RICTOR: variants seen among roughly 807,000 people sequenced by gnomAD.
The protein encoded by RICTOR is RPTOR independent companion of MTOR complex 2.
Under a neutral mutation model 214.9 loss-of-function variants are expected in RICTOR, and 49 were observed. The observed-to-expected ratio is 0.23, with a 90% CI of 0.18 to 0.29. RICTOR has a LOEUF of 0.29. RICTOR is among the 10% of genes least tolerant of loss of function. The pLI is 1.00. For missense variants in RICTOR, 1,625 were observed against 2,047.0 expected, an observed-to-expected ratio of 0.79 and a Z score of 3.98; for synonymous variants, 717 against 711.3, an observed-to-expected ratio of 1.01 and a Z score of -0.13.
At chr5:39,073,112 A>G (rs920204967) in intron 2 of RICTOR, among the ~76,000 whole-genome samples, 1 of 152,244 alleles carries the variant, frequency 6.6e-6, no homozygotes, top group Non-Finnish European at 1.5e-5. Flanking sequence ...CTGATCTCAT[A>G]CAGAATGTCT....
Position 38,942,923 on chromosome 5 carries a change from A to G in RICTOR, c.4962T>C (p.Ser1654=). The change falls in exon 37 of 38, where the codon TCT becomes TCC. Residue 1654 remains serine (S), a synonymous_variant. Coordinates refer to ENST00000357387, the MANE Select transcript of RICTOR (RefSeq NM_152756.5). ...AGTGTGACAGCAAATGGGAAACCTC[A>G]GAGTAAAGGCATATGTCATCAAATG... ...PQTFDDICLY[S]EVSHLLSHCT... The G allele has an allele frequency of 6.2e-7, 1 of 1,606,436 alleles. No homozygotes were observed. The highest frequency in any genetic ancestry group is 8.5e-7 in the Non-Finnish European group (1 of 1,172,974).
intron 2 of RICTOR, among the ~76,000 whole-genome samples, chr5:39,029,963 T>C (rs1215875145): frequency 1.3e-5 from 2 of 152,184 alleles, no homozygotes; most frequent in Non-Finnish European, 2.9e-5. Context: ...TAACTTTTAT[T>C]ATATGAGGGT....
In RICTOR at chr5:38,959,765, C is replaced by G. The variant is rs1749620782; in HGVS notation, c.2051+14G>C. 1.9e-6 allele frequency: 3 copies of G among 1,581,592 alleles called. No individual in the cohort carries two copies. Among genetic ancestry groups the G allele is most frequent in the Non-Finnish European group, 2.6e-6 (3 of 1,150,854 alleles). ...GTTCATGTATATATTGCAACAAAAT[C>G]TGGGAATGCTCACCACTGAAATACA... is the stretch of plus-strand genomic sequence containing the variant. On this transcript the variant is annotated intron_variant, in intron 21 of 37. Transcript: ENST00000357387.
chr5:39,074,038 T>A, intron 2 of RICTOR, 73 bp downstream of exon 2: 1 of 1,139,722 alleles, frequency 8.8e-7, no homozygotes, highest in Non-Finnish European at 1.2e-6. Context: ...CGCCCCTGCC[T>A]CTGGCCCCCA....
intron 16 of RICTOR, among the ~76,000 whole-genome samples, chr5:38,963,281 G>A (rs1018910495): frequency 2.0e-5 from 3 of 151,888 alleles, no homozygotes; most frequent in African/African-American, 7.3e-5. Context: ...TTCTATGGTG[G>A]TAGGTATTTT....
intron 8 of RICTOR, 101 bp from the exon 9 acceptor site, chr5:38,978,751 GT>G (rs2150055797): frequency 1.8e-6 from 1 of 545,790 alleles, no homozygotes; most frequent in Admixed American, 3.4e-5. Context: ...TCTTTAATGG[GT>G]TTACTGCTTG....
intron 2 of RICTOR, among the ~76,000 whole-genome samples, chr5:39,046,532 C>G (rs1757516970): frequency 1.3e-5 from 2 of 149,976 alleles, no homozygotes; most frequent in Non-Finnish European, 2.9e-5. Flanking sequence ...TTAAGGCCAT[C>G]ATTCAAATTA....
intron 2 of RICTOR, among the ~76,000 whole-genome samples, chr5:39,072,060 C>T (rs938065942): frequency 1.3e-5 from 2 of 152,154 alleles, no homozygotes; most frequent in Non-Finnish European, 2.9e-5. Flanking sequence ...TATAAAATGA[C>T]TGATTCAGAT....
At chr5:38,976,297 T>A (rs553371825) in intron 9 of RICTOR, among the ~76,000 whole-genome samples, 139 of 94,222 alleles carry the variant, frequency 1.5e-3, no homozygotes, top group South Asian at 2.4e-3. Context: ...TGTCCCTTTT[T>A]TCCTGTGCCA....
Position 38,952,600 on chromosome 5 carries a change from T to C in RICTOR, c.2898-175A>G, listed in dbSNP as rs568922618. 7.0e-4 allele frequency among the ~76,000 whole-genome samples: 106 copies of C among 150,862 alleles called. 1 individual carries two copies. The South Asian group carries it at 9.6e-3, about 14-fold the overall frequency. On this transcript the variant is annotated intron_variant, in intron 29 of 37. Coordinates refer to ENST00000357387, the MANE Select transcript of RICTOR (RefSeq NM_152756.5). ...CTAGTCAGGAATAAATTAGCAGCAA[T>C]AAAAAACAAGCAAACCTTCCCAATA...
chr5:38,992,404 C>T (rs1437299664), intron 6 of RICTOR, among the ~76,000 whole-genome samples: 1 of 151,970 alleles, frequency 6.6e-6, no homozygotes, highest in Non-Finnish European at 1.5e-5. Flanking sequence ...GAAAATTTCT[C>T]CAAACAGCAA....
chr5:39,038,075 A>G (rs893532482), intron 2 of RICTOR, among the ~76,000 whole-genome samples: 3 of 152,220 alleles, frequency 2.0e-5, no homozygotes, highest in Admixed American at 6.5e-5. Context: ...TCTCAATAAA[A>G]TACTGGCAAA....
intron 35 of RICTOR, 132 bp from the exon 36 acceptor site, chr5:38,944,701 G>T: frequency 1.1e-6 from 1 of 917,644 alleles, no homozygotes; most frequent in Non-Finnish European, 1.6e-6. Context: ...ATCATTTTGG[G>T]AGCAAAACTC....
In RICTOR at chr5:38,990,639, C is replaced by CAGATATATCATATATATCAGAT. The variant is rs1490795665; in HGVS notation, c.583+309_583+310insATCTGATATATATGATATATCT. 6.1e-5 allele frequency among the ~76,000 whole-genome samples: 5 copies of CAGATATATCATATATATCAGAT among 82,318 alleles called. 1 individual carries two copies. In the East Asian group the frequency reaches 1.3e-3, roughly 21 times the overall value. The allele number at this position is 82,318 out of a possible 152,430, so 54.0% of individuals were successfully genotyped here. On this transcript the variant is annotated intron_variant, in intron 7 of 37. Coordinates refer to ENST00000357387, the MANE Select transcript of RICTOR (RefSeq NM_152756.5). ...TACGATATATGATATATATATCTGA[C>CAGATATATCATATATATCAGAT]ATATATCAGATATATGATATATATC...
chr5:38,957,814 A>G, intron 24 of RICTOR, 84 bp from the exon 25 acceptor site: 1 of 727,966 alleles, frequency 1.4e-6, no homozygotes, highest in South Asian at 1.8e-5. Flanking sequence ...AATTTAAAAA[A>G]GTATAAGGAG....
At chr5:38,978,803 T>C (rs1208099557) in intron 8 of RICTOR, among the ~76,000 whole-genome samples, 153 bp from the exon 9 acceptor site, 2 of 152,066 alleles carry the variant, frequency 1.3e-5, no homozygotes, top group Non-Finnish European at 2.9e-5. Context: ...GGAATATGTT[T>C]GGTGATTTTT....
At chr5:39,043,760 T>C (rs1232488652) in intron 2 of RICTOR, among the ~76,000 whole-genome samples, 2 of 152,168 alleles carry the variant, frequency 1.3e-5, no homozygotes, top group Non-Finnish European at 2.9e-5. Flanking sequence ...ATGAAGGCTC[T>C]GTCCTCATGA....
chr5:39,007,395 A>G (rs1481257113), intron 3 of RICTOR, among the ~76,000 whole-genome samples: 1 of 151,964 alleles, frequency 6.6e-6, no homozygotes, highest in Non-Finnish European at 1.5e-5. Context: ...AGGCCCACCC[A>G]CCCATATGAC....
intron 9 of RICTOR, among the ~76,000 whole-genome samples, chr5:38,976,439 G>A (rs576581818): frequency 3.3e-5 from 5 of 152,172 alleles, no homozygotes; most frequent in Non-Finnish European, 5.9e-5. Context: ...AATTAGATAT[G>A]AGTGAGCAAT....
Sources: gnomAD v4.1 joint callset for allele counts (sites outside exome capture counted in the v4.1 genomes callset) on GRCh38, gnomAD v4.1.1 for gene constraint, MANE v1.5 for transcripts, NCBI Gene and HGNC (gene_info 2026-07-23, HGNC 2026-07-21) for gene names.